KIN: variants seen among roughly 807,000 people sequenced by gnomAD.
KIN encodes Kin17 DNA and RNA binding protein.
Under a neutral mutation model 63.0 loss-of-function variants are expected in KIN, and 47 were observed. That is an observed-to-expected ratio of 0.75 (90% CI 0.59 to 0.95). KIN has a LOEUF of 0.95. Among genes scored for constraint, KIN ranks in the 40% least tolerant of loss-of-function variants. The pLI is 0.00. For missense variants in KIN, 408 were observed against 460.9 expected (o/e 0.89, Z 1.05); for synonymous variants, 160 against 157.7 (o/e 1.01, Z -0.11).
At chr10:7,768,855 A>G (rs750598184) in intron 8 of KIN, among the ~76,000 whole-genome samples, 6 of 151,990 alleles carry the variant, frequency 3.9e-5, no homozygotes, top group Non-Finnish European at 7.4e-5. Context: ...CATCTCTACT[A>G]AAAATACAAA....
intron 9 of KIN, among the ~76,000 whole-genome samples, chr10:7,764,886 G>A (rs111520436): frequency 0.024 from 3,720 of 151,876 alleles, 176 homozygotes; most frequent in African/African-American, 0.085. Flanking sequence ...TGGGCCGGGC[G>A]CGGTGGCTCA....
intron 10 of KIN, among the ~76,000 whole-genome samples, chr10:7,763,211 G>A (rs575655311): frequency 1.2e-4 from 18 of 152,214 alleles, no homozygotes; most frequent in Non-Finnish European, 1.2e-4. Flanking sequence ...AGCTGAGATC[G>A]CACCACTGCA....
At chr10:7,783,277 A>T (rs1176611713) in intron 1 of KIN, 102 bp from the exon 2 acceptor site, 4 of 509,584 alleles carry the variant, frequency 7.8e-6, no homozygotes, top group African/African-American at 2.0e-5. Context: ...CTTTGATGAT[A>T]AATTAAAATA....
intron 2 of KIN, among the ~76,000 whole-genome samples, chr10:7,781,558 G>A (rs1465046492): frequency 6.9e-6 from 1 of 145,462 alleles, no homozygotes; most frequent in Non-Finnish European, 1.5e-5. Flanking sequence ...TTCAAGACCA[G>A]CCTGGGCAAC....
chr10:7,785,221 G>C (rs1835975568), intron 1 of KIN, among the ~76,000 whole-genome samples: 1 of 148,174 alleles, frequency 6.7e-6, no homozygotes, highest in Admixed American at 6.7e-5. Context: ...CACTGTACAC[G>C]AGCCTGGGCT....
chr10:7,777,323 A>T (rs12767667), intron 5 of KIN, among the ~76,000 whole-genome samples: 2,651 of 151,762 alleles, frequency 0.017, 36 homozygotes, highest in South Asian at 0.033. Flanking sequence ...AACAATGGTT[A>T]TGTCTGGGAG....
chr10:7,759,912 GA>G lies in KIN; in HGVS notation c.1096del (p.Ser366GlnfsTer11). ...TLESINEKTF[S>X]ATIVIETGPL... Reference sequence around the variant, plus strand: ...TACAGTTTCAATGACGATAGTAGCTGAAAAAGTCTTCTCATTGATGGATTCT... The same window carrying G: ...TACAGTTTCAATGACGATAGTAGCTGAAAAGTCTTCTCATTGATGGATTCT... On this transcript the variant is annotated frameshift_variant, in exon 12 of 13. Coordinates refer to ENST00000379562, the MANE Select transcript of KIN (RefSeq NM_012311.4). LOFTEE classifies it high-confidence loss of function. 2 of 1,555,976 alleles carry G rather than the reference GA, an allele frequency of 1.3e-6. No homozygotes were observed. Among genetic ancestry groups the G allele is most frequent in the Non-Finnish European group, 1.8e-6 (2 of 1,140,182 alleles).
chr10:7,776,155 G>A (rs909849184), intron 5 of KIN, among the ~76,000 whole-genome samples: 6 of 149,346 alleles, frequency 4.0e-5, no homozygotes, highest in African/African-American at 1.5e-4. Flanking sequence ...ACGTGAACCC[G>A]GGAGGCAGAG....
intron 1 of KIN, among the ~76,000 whole-genome samples, chr10:7,786,596 T>C (rs1196033434): frequency 6.7e-6 from 1 of 149,908 alleles, no homozygotes; most frequent in African/African-American, 2.5e-5. Flanking sequence ...TGGGACCGTA[T>C]CTCAAAAAAA....
Position 7,767,728 on chromosome 10 carries a change from G to A in KIN, c.798+1488C>T, listed in dbSNP as rs549478367. The stretch of plus-strand genomic sequence containing the variant: ...TAAAAAATTAGCCAGGCATGGTGGC[G>A]GGTGCCTGTAATCCCAGCTACTCAG... On this transcript the variant is annotated intron_variant, in intron 8 of 12. Coordinates refer to ENST00000379562, the MANE Select transcript of KIN (RefSeq NM_012311.4). Among the ~76,000 whole-genome samples the A allele has an allele frequency of 1.4e-4, 22 of 151,884 alleles. No homozygotes were observed. In the South Asian group the frequency reaches 4.2e-3, roughly 29 times the overall value.
At chr10:7,763,932 C>T (rs776312837) in intron 9 of KIN, 141 bp from the exon 10 acceptor site, 32 of 529,526 alleles carry the variant, frequency 6.0e-5, no homozygotes, top group South Asian at 1.7e-4. Context: ...GAGTTCTCTG[C>T]CTTCCCAACA....
chr10:7,763,622 A>G (rs1197589144), intron 10 of KIN, 101 bp downstream of exon 10: 21 of 685,968 alleles, frequency 3.1e-5, no homozygotes, highest in Non-Finnish European at 2.6e-5. Flanking sequence ...TAAACATAGT[A>G]CTTCTGCTAC....
chr10:7,759,975 A>G lies in KIN; in HGVS notation c.1034T>C (p.Val345Ala). ...VIPAPGKRIL[V>A]LNGGYRGNEG... ...ATTTCCTCTGTAGCCTCCATTTAAA[A>G]CTAGAATTCTTTTTCCTATGATGGA... The change falls in exon 12 of 13, where the codon GTT becomes GCT. Residue 345 changes from valine to alanine, a missense_variant. Around this residue, in one of 2 missense-constraint regions of KIN, gnomAD observed 298 missense variants for 296.0 expected, o/e 1.01. Transcript: ENST00000379562. The G allele has an allele frequency of 6.7e-7, 1 of 1,497,810 alleles. No homozygotes were observed. The highest frequency in any genetic ancestry group is 1.4e-5 in the African/African-American group (1 of 69,686). The allele number at this position is 1,497,810 out of a possible 1,614,324, so 92.8% of individuals were successfully genotyped here.
chr10:7,761,493 C>T (rs17142968), intron 11 of KIN: 3 of 152,062 alleles, frequency 2.0e-5, no homozygotes, highest in South Asian at 2.1e-4. Flanking sequence ...ACTTGACTAT[C>T]GCAGAGAGCT....
chr10:7,775,801 TA>T lies in KIN; in HGVS notation c.559-3del, dbSNP rs746236139. On this transcript the variant is annotated splice_region_variant and splice_polypyrimidine_tract_variant and intron_variant, in intron 5 of 12. Coordinates refer to ENST00000379562, the MANE Select transcript of KIN (RefSeq NM_012311.4). ...TAATTCCGTAAAAGTAGGGACCTCC[TA>T]AAAAAAAGAAAGTTTTAAGGTTTTG... 2.9e-5 allele frequency: 45 copies of T among 1,539,430 alleles called. No individual in the cohort carries two copies. Among genetic ancestry groups the T allele is most frequent in the East Asian group, 9.1e-5 (4 of 43,954 alleles).
intron 5 of KIN, 41 bp from the exon 6 acceptor site, chr10:7,775,840 C>T (rs1320633056): frequency 1.6e-6 from 2 of 1,239,740 alleles, no homozygotes; most frequent in Non-Finnish European, 2.3e-6. Context: ...GTACATTGCA[C>T]TTACTATCAC....
At chr10:7,783,638 A>G (rs967446176) in intron 1 of KIN, among the ~76,000 whole-genome samples, 1 of 152,222 alleles carries the variant, frequency 6.6e-6, no homozygotes, top group Non-Finnish European at 1.5e-5. Context: ...GCTGCATATT[A>G]TATTAACCTT....
intron 7 of KIN, among the ~76,000 whole-genome samples, chr10:7,769,886 G>A (rs28398023): frequency 0.049 from 7,426 of 152,242 alleles, 607 homozygotes; most frequent in African/African-American, 0.17. Context: ...TTCTCAACGT[G>A]TTACTTAAAA....
At position 7,762,489 on chromosome 10, in the gene KIN, T is replaced by C. The variant is rs771610300; in HGVS notation, c.986A>G (p.Gln329Arg). 1.2e-6 allele frequency: 2 copies of C among 1,611,642 alleles called. No individual in the cohort carries two copies. Among genetic ancestry groups the C allele is most frequent in the Non-Finnish European group, 1.7e-6 (2 of 1,178,236 alleles). ...TGGAATTACTGTCTCTAAATGAGTCTGGTCAAGTTTCAGCTTGTCTCCAGA... is the reference window on the plus strand; with the variant it reads ...TGGAATTACTGTCTCTAAATGAGTCCGGTCAAGTTTCAGCTTGTCTCCAGA... Reference protein sequence around the residue: ...IDSGDKLKLDQTHLETVIPAP... With the variant: ...IDSGDKLKLDRTHLETVIPAP... The change falls in exon 11 of 13, where the codon CAG (glutamine) becomes CGG (arginine). Residue 329 changes from glutamine (Q) to arginine (R), a missense_variant. Gln to Arg is a conservative substitution (Grantham distance 43). This residue lies in a region of KIN where 298 missense variants were observed against 296.0 expected (regional missense o/e 1.01). Coordinates refer to ENST00000379562, the MANE Select transcript of KIN (RefSeq NM_012311.4).
Sources: gnomAD v4.1 joint callset for allele counts (sites outside exome capture counted in the v4.1 genomes callset) on GRCh38, gnomAD v4.1.1 for gene constraint, gnomAD v4.1.1 regional missense constraint, MANE v1.5 for transcripts, NCBI Gene and HGNC (gene_info 2026-07-23, HGNC 2026-07-21) for gene names.